Variants in BAHCC1 observed in about 807,000 individuals in gnomAD.
BAHCC1 encodes BAH domain and coiled-coil containing 1, also known as BAH and coiled-coil domain-containing protein 1.
Under a neutral mutation model 88.2 loss-of-function variants are expected in BAHCC1, and 43 were observed. That is an observed-to-expected ratio of 0.49 (90% confidence interval 0.38 to 0.63). The LOEUF (loss-of-function observed/expected upper bound fraction) is 0.63. BAHCC1 is among the 20% of genes least tolerant of loss of function. BAHCC1 has a pLI of 0.00. For synonymous variants in BAHCC1, 1,510 were observed against 745.5 expected (o/e 2.03, Z -16.71); for missense variants, 3,023 against 1,654.8 (o/e 1.83, Z -14.34).
rs2064458335 is a variant in BAHCC1 at position 81,443,263 on chromosome 17, A to G, written c.1914A>G (p.Lys638=). ...TCTCAGCCATGAAGAACCTGCTCAA[A>G]TACAGCAGCCAGGCCCTGGTGGTGG... ...DEVSAMKNLL[K]YSSQALVVGQ... Residue 638 remains lysine, a synonymous_variant, in exon 5 of 28, where the codon AAA becomes AAG. Coordinates refer to ENST00000675386, the MANE Select transcript of BAHCC1 (RefSeq NM_001377448.1). 1 of 779,488 alleles carries G rather than the reference A, an allele frequency of 1.3e-6. No individual in the cohort carries two copies. The highest frequency in any genetic ancestry group is 1.7e-5 in the African/African-American group (1 of 59,270). The allele number at this position is 779,488 out of a possible 1,614,324, so 48.3% of individuals were successfully genotyped here.
intron 3 of BAHCC1, among the ~76,000 whole-genome samples, chr17:81,437,400 C>A (rs1555651890): frequency 6.6e-6 from 1 of 152,130 alleles, no homozygotes; most frequent in East Asian, 1.9e-4. Flanking sequence ...TGGGGTCTTG[C>A]TGGGGAACCA....
intron 2 of BAHCC1, chr17:81,401,885 C>T (rs747881108): frequency 4.6e-5 from 7 of 152,516 alleles, no homozygotes; most frequent in Admixed American, 1.3e-4. Flanking sequence ...GCTGCATTCT[C>T]CCCCTTCTGC....
rs782220583 is a variant in BAHCC1, at chr17:81,455,323, G to A, written c.4502G>A (p.Gly1501Asp). ...GCGGAGCTGCGAGGAGGCAGTGGGG[G>A]CGAGCCTGCGAAGAAGCGAAGCAAG... ...LCAELRGGSG[G>D]EPAKKRSKLE... Residue 1501 changes from glycine to aspartate, a missense_variant, in exon 15 of 28, where the codon GGC becomes GAC. By Grantham distance (94) the Gly-to-Asp change is moderately conservative. Transcript: ENST00000675386. 1.4e-6 allele frequency: 1 copy of A among 717,310 alleles called. No individual in the cohort carries two copies. The highest frequency in any genetic ancestry group is 1.7e-5 in the African/African-American group (1 of 57,428). 44.4% of individuals were successfully genotyped at this position (717,310 alleles called of 1,614,324 possible). A position where few individuals can be genotyped will look rare whatever the true frequency, so the allele number is the denominator to read the frequency against.
At chr17:81,402,863 T>C (rs2063834218) in intron 2 of BAHCC1, 1 of 152,200 alleles carries the variant, frequency 6.6e-6, no homozygotes, top group Non-Finnish European at 1.5e-5. Context: ...CTTCTTCCAT[T>C]GTTTTTCTAA....
chr17:81,424,864 GTGA>G lies in BAHCC1; in HGVS notation c.179-1927_179-1925del, dbSNP rs199740364. Among the ~76,000 whole-genome samples the G allele has an allele frequency of 4.9e-3, 746 of 151,316 alleles. 8 individuals carry two copies. Among genetic ancestry groups the G allele is most frequent in the African/African-American group, 0.016 (657 of 41,126 alleles). ...TTGGTGACAGGTGATGTGGTTGGTG[GTGA>G]TGATGATGGTAGGTGATGTGGTAGT... On this transcript the variant is annotated intron_variant, in intron 2 of 27. Transcript: ENST00000675386.
chr17:81,456,642 G>A, intron 16 of BAHCC1, 57 bp downstream of exon 16: 1 of 661,618 alleles, frequency 1.5e-6, no homozygotes, highest in Non-Finnish European at 2.8e-6. Context: ...TCGCTCGGGG[G>A]CTGGAGGAGG....
chr17:81,420,158 T>G (rs898242587), intron 2 of BAHCC1, among the ~76,000 whole-genome samples: 2 of 152,204 alleles, frequency 1.3e-5, no homozygotes, highest in East Asian at 3.9e-4. Context: ...GGCCCCAGCA[T>G]GCTCTGTACC....
rs373479673 is a variant in BAHCC1 at position 81,458,601 on chromosome 17, C to T, written c.5344-20C>T. 3 of 712,354 alleles carry T rather than the reference C, an allele frequency of 4.2e-6. No homozygotes were observed. Among genetic ancestry groups the T allele is most frequent in the Non-Finnish European group, 5.2e-6 (2 of 383,042 alleles). 44.1% of individuals were successfully genotyped at this position (712,354 alleles called of 1,614,324 possible). On this transcript the variant is annotated intron_variant, in intron 18 of 27. Transcript: ENST00000675386. ...TGTCCCACCCTTGACTCAGCCCCTT[C>T]TCTGCCTGCCCACGCGCAGCGGAAG...
chr17:81,443,479 C>G lies in BAHCC1; in HGVS notation c.2130C>G (p.Ala710=). The change falls in exon 5 of 28, where the codon GCC becomes GCG. Residue 710 remains alanine (A), a synonymous_variant. Transcript: ENST00000675386. ...QPPVGIAVAL[A]RQKDTVSRSE... ...CTGTGGGCATTGCAGTGGCCTTGGCCCGGCAGAAGGACACAGTGAGCCGGT... is the reference window on the plus strand; with the variant it reads ...CTGTGGGCATTGCAGTGGCCTTGGCGCGGCAGAAGGACACAGTGAGCCGGT... 2.8e-6 allele frequency: 2 copies of G among 720,822 alleles called. No individual in the cohort carries two copies. Among genetic ancestry groups the G allele is most frequent in the Non-Finnish European group, 5.1e-6 (2 of 389,100 alleles). 44.7% of individuals were successfully genotyped at this position (720,822 alleles called of 1,614,324 possible). A position where few individuals can be genotyped will look rare whatever the true frequency, so the allele number is the denominator to read the frequency against.
intron 3 of BAHCC1, 27 bp from the exon 4 acceptor site, chr17:81,438,343 C>T (rs782533246): frequency 2.6e-6 from 2 of 777,702 alleles, no homozygotes; most frequent in South Asian, 1.3e-5. Flanking sequence ...GGAGTTGCCT[C>T]TGCAACTGGG....
chr17:81,414,755 G>A (rs1215679746), intron 2 of BAHCC1, among the ~76,000 whole-genome samples: 5 of 152,188 alleles, frequency 3.3e-5, no homozygotes, highest in South Asian at 2.1e-4. Flanking sequence ...GCCTCACCAC[G>A]TGTCCCCAAC....
intron 2 of BAHCC1, chr17:81,409,960 G>A (rs952877976): frequency 4.4e-6 from 1 of 229,494 alleles, no homozygotes; most frequent in South Asian, 3.6e-5. Context: ...CGTGTGTAAT[G>A]GGGCCCTGCC....
At chr17:81,429,371 C>T (rs1210323018) in intron 3 of BAHCC1, among the ~76,000 whole-genome samples, 1 of 152,226 alleles carries the variant, frequency 6.6e-6, no homozygotes, top group African/African-American at 2.4e-5. Flanking sequence ...TCCCACCCCC[C>T]GGGATCCCCT....
At chr17:81,407,466 C>T in intron 2 of BAHCC1, 1 of 508,612 alleles carries the variant, frequency 2.0e-6, no homozygotes, top group Non-Finnish European at 3.9e-6. Context: ...ACCAGGGGCG[C>T]CTCCTGTTCT....
intron 14 of BAHCC1, among the ~76,000 whole-genome samples, chr17:81,454,283 G>A (rs369658713): frequency 6.6e-6 from 1 of 152,202 alleles, no homozygotes; most frequent in Non-Finnish European, 1.5e-5. Context: ...GCATCTGGAG[G>A]TAGCTGCTGG....
At chr17:81,401,070 T>G (rs2063810285) in intron 2 of BAHCC1, 1 of 152,238 alleles carries the variant, frequency 6.6e-6, no homozygotes, top group Non-Finnish European at 1.5e-5. Context: ...TGAATACTAA[T>G]AAAATTATAT....
At chr17:81,419,773 G>A (rs1209037060) in intron 2 of BAHCC1, among the ~76,000 whole-genome samples, 2 of 148,216 alleles carry the variant, frequency 1.3e-5, no homozygotes, top group African/African-American at 4.9e-5. Context: ...TGGAGCTGCC[G>A]CCATCTCAAC....
rs142140092 is a variant in BAHCC1 at position 81,423,755 on chromosome 17, T to G, written c.179-3045T>G. On this transcript the variant is annotated intron_variant, in intron 2 of 27. Transcript: ENST00000675386. ...CTCCGTGTGCAGGAGCCGATAGTCA[T>G]GGCAACTCTGGGAGGCTCCCTCGGG... 1.8e-3 allele frequency among the ~76,000 whole-genome samples: 281 copies of G among 152,144 alleles called. 2 individuals are homozygous for G. The highest frequency in any genetic ancestry group is 6.5e-3 in the African/African-American group (269 of 41,502).
rs756541480 is a variant in BAHCC1 at position 81,451,870 on chromosome 17, T to G, written c.4179T>G (p.Pro1393=). The part of the protein sequence containing the change: ...RKDTWTPKTK[P]VCPLKAAIDR... Reference sequence around the variant, plus strand: ...ACACCTGGACCCCCAAGACCAAGCCTGTGAGTGGAGGTCCCAGTGCCCACG... The same window carrying G: ...ACACCTGGACCCCCAAGACCAAGCCGGTGAGTGGAGGTCCCAGTGCCCACG... The change falls in exon 12 of 28, where the codon CCT becomes CCG. Residue 1393 remains proline (P), a splice_region_variant and synonymous_variant. Transcript: ENST00000675386. 18 of 731,496 alleles carry G rather than the reference T, an allele frequency of 2.5e-5. No individual in the cohort carries two copies. Among genetic ancestry groups the G allele is most frequent in the Non-Finnish European group, 4.5e-5 (18 of 400,374 alleles). 45.3% of individuals were successfully genotyped at this position (731,496 alleles called of 1,614,324 possible).
Sources: allele counts gnomAD v4.1 joint callset (sites outside exome capture counted in the v4.1 genomes callset), GRCh38; gene constraint gnomAD v4.1.1; transcripts MANE v1.5; gene names NCBI Gene and HGNC (gene_info 2026-07-23, HGNC 2026-07-21).